Variants in TP63 observed in about 807,000 individuals in gnomAD.
TP63 encodes tumor protein p63.
Under a neutral mutation model 82.8 loss-of-function variants are expected in TP63, and 17 were observed. That is an observed-to-expected ratio of 0.21 (90% CI 0.14 to 0.31). TP63 has a LOEUF of 0.31. Among genes scored for constraint, TP63 ranks in the 10% least tolerant of loss-of-function variants. The pLI is 1.00. For synonymous variants in TP63, 330 were observed against 321.7 expected, an observed-to-expected ratio of 1.03 and a Z score of -0.28; for missense variants, 648 against 895.3, an observed-to-expected ratio of 0.72 and a Z score of 3.52.
intron 1 of TP63, among the ~76,000 whole-genome samples, chr3:189,694,268 T>G (rs555652029): frequency 6.6e-6 from 1 of 152,366 alleles, no homozygotes; most frequent in East Asian, 1.9e-4. Flanking sequence ...TTCCTATCAC[T>G]AACATCATAC....
At chr3:189,644,784 A>G (rs1427268358) in intron 1 of TP63, among the ~76,000 whole-genome samples, 1 of 152,034 alleles carries the variant, frequency 6.6e-6, no homozygotes, top group African/African-American at 2.4e-5. Context: ...ACCATATTTG[A>G]TTTTCCATTC....
chr3:189,808,629 T>G, intron 4 of TP63, 103 bp downstream of exon 4: 1 of 1,591,874 alleles, frequency 6.3e-7, no homozygotes, highest in Non-Finnish European at 8.5e-7. Flanking sequence ...GATTCCATGT[T>G]CATGGTGGAA....
intron 4 of TP63, among the ~76,000 whole-genome samples, chr3:189,858,298 G>A (rs1577119741): frequency 3.4e-5 from 2 of 59,376 alleles, no homozygotes; most frequent in South Asian, 5.4e-4. Context: ...CCAGCTACTC[G>A]GGAGGCTGAG....
the TP63 span, among the ~76,000 whole-genome samples, chr3:189,625,230 G>T: frequency 1.3e-5 from 2 of 152,190 alleles, no homozygotes; most frequent in Non-Finnish European, 1.5e-5. Flanking sequence ...CAGTAAATCT[G>T]AAAGAAGGCC....
the TP63 span, among the ~76,000 whole-genome samples, chr3:189,615,950 G>C: frequency 6.6e-6 from 1 of 152,188 alleles, no homozygotes; most frequent in African/African-American, 2.4e-5. Context: ...GGGCTTGACT[G>C]TTAAGACCCG....
intron 1 of TP63, among the ~76,000 whole-genome samples, chr3:189,725,243 A>T (rs936052262): frequency 2.6e-5 from 4 of 152,230 alleles, no homozygotes; most frequent in Admixed American, 2.0e-4. Flanking sequence ...ATTACTTTGA[A>T]TGTTAAGGAA....
chr3:189,755,106 A>T (rs979748510), intron 3 of TP63, among the ~76,000 whole-genome samples: 1 of 152,152 alleles, frequency 6.6e-6, no homozygotes, highest in African/African-American at 2.4e-5. Flanking sequence ...CCTCATTTGT[A>T]TAGATAAACA....
intron 4 of TP63, among the ~76,000 whole-genome samples, chr3:189,815,279 T>G (rs1464789708): frequency 6.6e-6 from 1 of 152,134 alleles, no homozygotes; most frequent in Non-Finnish European, 1.5e-5. Context: ...AGGATTAAAT[T>G]ATCACAACCT....
At position 189,894,229 on chromosome 3, in the gene TP63, T is replaced by C. The variant is rs775206627; in HGVS notation, c.1770T>C (p.Pro590=). The change falls in exon 14 of 14, where the codon CCT becomes CCC. Residue 590 remains proline, a synonymous_variant. Coordinates refer to ENST00000264731, the MANE Select transcript of TP63 (RefSeq NM_003722.5). ...SMDDLASLKI[P]EQFRHAIWKG... ...AGGATCTGGCAAGTCTGAAAATCCCTGAGCAATTTCGACATGCGATCTGGA... is the reference window on the plus strand; with the variant it reads ...AGGATCTGGCAAGTCTGAAAATCCCCGAGCAATTTCGACATGCGATCTGGA... 4 of 1,614,124 alleles carry C rather than the reference T, an allele frequency of 2.5e-6. No homozygotes were observed. The Admixed American group carries it at 6.7e-5, about 27-fold the overall frequency.
At chr3:189,693,655 C>A (rs1717119683) in intron 1 of TP63, among the ~76,000 whole-genome samples, 1 of 152,162 alleles carries the variant, frequency 6.6e-6, no homozygotes, top group African/African-American at 2.4e-5. Context: ...AGATATTAGG[C>A]CTTATGTTTT....
intron 3 of TP63, among the ~76,000 whole-genome samples, chr3:189,756,779 G>A (rs531947638): frequency 6.6e-6 from 1 of 152,220 alleles, no homozygotes; most frequent in African/African-American, 2.4e-5. Flanking sequence ...TAGCCCCAGG[G>A]AAATAGTTCC....
the TP63 span, among the ~76,000 whole-genome samples, chr3:189,612,137 G>A: frequency 5.3e-5 from 8 of 151,668 alleles, no homozygotes; most frequent in East Asian, 1.9e-4. Context: ...CGTGCCTAAC[G>A]GACTGTATCC....
chr3:189,839,700 C>T (rs1375346813), intron 4 of TP63, among the ~76,000 whole-genome samples: 3 of 152,188 alleles, frequency 2.0e-5, no homozygotes, highest in African/African-American at 7.2e-5. Flanking sequence ...GTGATGCAAT[C>T]GTGATAGCTG....
At chr3:189,880,026 G>A (rs2108839915) in intron 10 of TP63, 1 of 1,608,984 alleles carries the variant, frequency 6.2e-7, no homozygotes, top group Non-Finnish European at 8.5e-7. Flanking sequence ...TGAAGTCCTA[G>A]GCCTTCATTT....
chr3:189,857,444 C>T (rs1369904252), intron 4 of TP63, among the ~76,000 whole-genome samples: 1 of 152,008 alleles, frequency 6.6e-6, no homozygotes, highest in African/African-American at 2.4e-5. Flanking sequence ...ATAGAAAATC[C>T]TCCTAATGTC....
At chr3:189,827,364 T>A (rs1711581293) in intron 4 of TP63, among the ~76,000 whole-genome samples, 1 of 151,544 alleles carries the variant, frequency 6.6e-6, no homozygotes, top group Non-Finnish European at 1.5e-5. Context: ...CCCCACCAGC[T>A]CCCCCTTACA....
At chr3:189,689,459 T>A (rs907826197) in intron 1 of TP63, among the ~76,000 whole-genome samples, 4 of 152,044 alleles carry the variant, frequency 2.6e-5, no homozygotes, top group Admixed American at 2.6e-4. Context: ...ACCCTGAGGT[T>A]CATTTCACAT....
At chr3:189,881,582 T>A in intron 10 of TP63, 1 of 923,404 alleles carries the variant, frequency 1.1e-6, no homozygotes, top group Non-Finnish European at 1.3e-6. Flanking sequence ...AAGTAGCATG[T>A]GTAGGTCTAA....
At chr3:189,682,553 A>AATATATATAT (rs1179179631) in intron 1 of TP63, among the ~76,000 whole-genome samples, 1 of 10,368 alleles carries the variant, frequency 9.6e-5, no homozygotes, top group African/African-American at 2.1e-4. Flanking sequence ...AAAAAAAAAA[A>AATATATATAT]ATATATATAT....
Sources: gnomAD v4.1 joint callset for allele counts (sites outside exome capture counted in the v4.1 genomes callset) on GRCh38, gnomAD v4.1.1 for gene constraint, MANE v1.5 for transcripts, NCBI Gene and HGNC (gene_info 2026-07-23, HGNC 2026-07-21) for gene names.